SPATA16: variants seen among roughly 807,000 people sequenced by gnomAD.
SPATA16 encodes the protein spermatogenesis-associated protein 16.
Under a neutral mutation model 63.3 loss-of-function variants are expected in SPATA16, and 36 were observed. That is an observed-to-expected ratio of 0.57 (90% CI 0.44 to 0.75). The LOEUF (loss-of-function observed/expected upper bound fraction) is 0.75. Among genes scored for constraint, SPATA16 ranks in the 30% least tolerant of loss-of-function variants. The pLI, the probability that SPATA16 is intolerant of heterozygous loss-of-function variation, is 0.00. For missense variants in SPATA16, 646 were observed against 679.3 expected (o/e 0.95, Z 0.54); for synonymous variants, 203 against 216.7 (o/e 0.94, Z 0.56).
chr3:173,119,903 C>T (rs1738012020), intron 1 of SPATA16, among the ~76,000 whole-genome samples: 1 of 152,260 alleles, frequency 6.6e-6, no homozygotes, highest in East Asian at 1.9e-4. Flanking sequence ...GCCTGACCAA[C>T]ATGGTGCAAC....
At chr3:173,118,642 A>G (rs1436962431) in intron 1 of SPATA16, among the ~76,000 whole-genome samples, 1 of 152,208 alleles carries the variant, frequency 6.6e-6, no homozygotes, top group Non-Finnish European at 1.5e-5. Flanking sequence ...TTGTGGAGTA[A>G]ATAGGAACAG....
chr3:173,023,874 T>G (rs1313492213), intron 3 of SPATA16, among the ~76,000 whole-genome samples: 1 of 151,264 alleles, frequency 6.6e-6, no homozygotes, highest in Non-Finnish European at 1.5e-5. Context: ...TTTGCATATA[T>G]ATTCTCATGT....
chr3:172,985,322 AGTTTT>A (rs1211201551), intron 4 of SPATA16, among the ~76,000 whole-genome samples: 9 of 152,212 alleles, frequency 5.9e-5, no homozygotes, highest in Admixed American at 3.9e-4. Context: ...ATTTTTATGA[AGTTTT>A]GTTTTATTTT....
chr3:173,032,003 C>G (rs1273557610), intron 3 of SPATA16, among the ~76,000 whole-genome samples: 2 of 151,966 alleles, frequency 1.3e-5, no homozygotes, highest in East Asian at 3.9e-4. Context: ...ATAGCTCTGC[C>G]AAAACACTAG....
Position 172,889,480 on chromosome 3 carries a change from T to C in SPATA16, c.*90A>G. 6.3e-7 allele frequency: 1 copy of C among 1,584,878 alleles called. No homozygotes were observed. The highest frequency in any genetic ancestry group is 8.6e-7 in the Non-Finnish European group (1 of 1,158,898). ...TTCTTTTGGTGACAAGCTTTTGTTA[T>C]CCAGCTTCACAGTACTAGGTGGGCA... On this transcript the variant is annotated 3_prime_UTR_variant, in exon 11 of 11. Coordinates refer to ENST00000351008, the MANE Select transcript of SPATA16 (RefSeq NM_031955.6).
intron 5 of SPATA16, among the ~76,000 whole-genome samples, chr3:172,958,910 G>A (rs1441364007): frequency 1.3e-5 from 2 of 152,080 alleles, no homozygotes; most frequent in Admixed American, 6.5e-5. Context: ...CTCCAACTGT[G>A]GCTGAGTGTG....
At chr3:172,907,370 C>T (rs1398564767) in intron 10 of SPATA16, among the ~76,000 whole-genome samples, 1 of 152,234 alleles carries the variant, frequency 6.6e-6, no homozygotes, top group Non-Finnish European at 1.5e-5. Flanking sequence ...ATTGCTCTCA[C>T]TGCAATAACC....
At chr3:173,006,439 T>C (rs531425658) in intron 4 of SPATA16, among the ~76,000 whole-genome samples, 1 of 152,308 alleles carries the variant, frequency 6.6e-6, no homozygotes, top group South Asian at 2.1e-4. Flanking sequence ...TGAGAACTTA[T>C]TTTAACCAAA....
intron 4 of SPATA16, among the ~76,000 whole-genome samples, chr3:173,015,064 CTTT>C (rs34843727): frequency 1.8e-4 from 24 of 136,480 alleles, no homozygotes; most frequent in Middle Eastern, 3.8e-3. Flanking sequence ...TCTTTTTTCT[CTTT>C]TTTTTTTTTT....
Position 173,131,934 on chromosome 3 carries a change from A to C in SPATA16, c.-19+9169T>G, listed in dbSNP as rs189316593. 2.1e-4 allele frequency among the ~76,000 whole-genome samples: 32 copies of C among 152,328 alleles called. No homozygotes were observed. In the East Asian group the frequency reaches 6.0e-3, roughly 28 times the overall value. ...AGCACTTAAGGGAAAATCATTAAGT[A>C]TGCAAAAATAAAACATCTCAAGATA... On this transcript the variant is annotated intron_variant, in intron 1 of 10. Transcript: ENST00000351008.
chr3:172,960,566 C>G (rs1288708929), intron 5 of SPATA16, among the ~76,000 whole-genome samples: 3 of 152,116 alleles, frequency 2.0e-5, no homozygotes, highest in African/African-American at 7.2e-5. Flanking sequence ...TCTCCTTGTA[C>G]TGTAGCTAAG....
chr3:173,131,446 C>T (rs762039836), intron 1 of SPATA16, among the ~76,000 whole-genome samples: 3 of 152,088 alleles, frequency 2.0e-5, no homozygotes, highest in Non-Finnish European at 2.9e-5. Flanking sequence ...ATTTGCTAAT[C>T]GTAGGCATGG....
At chr3:173,048,866 T>C (rs1258414936) in intron 3 of SPATA16, 83 bp downstream of exon 3, 4 of 1,514,552 alleles carry the variant, frequency 2.6e-6, no homozygotes, top group Admixed American at 1.7e-5. Flanking sequence ...TGAAATAAGA[T>C]GGAAGGTGAT....
At chr3:173,118,714 T>C (rs1331169878) in intron 1 of SPATA16, among the ~76,000 whole-genome samples, 1 of 152,190 alleles carries the variant, frequency 6.6e-6, no homozygotes, top group African/African-American at 2.4e-5. Flanking sequence ...CAAGGTCACA[T>C]TGGTTGGTCA....
intron 5 of SPATA16, among the ~76,000 whole-genome samples, chr3:172,974,473 C>G (rs924131538): frequency 6.6e-6 from 1 of 151,856 alleles, no homozygotes; most frequent in Admixed American, 6.6e-5. Flanking sequence ...ATGGCATAGA[C>G]TTGGCACTCT....
chr3:173,077,558 C>A (rs1207932719), intron 2 of SPATA16, among the ~76,000 whole-genome samples: 1 of 152,228 alleles, frequency 6.6e-6, no homozygotes, highest in East Asian at 1.9e-4. Context: ...TTCCCAGAGC[C>A]GGTGGTGAGA....
chr3:173,022,561 A>G (rs1577136092), intron 3 of SPATA16, among the ~76,000 whole-genome samples: 1 of 152,138 alleles, frequency 6.6e-6, no homozygotes, highest in East Asian at 1.9e-4. Context: ...ACTTTTATTA[A>G]TTTATCGATG....
intron 10 of SPATA16, among the ~76,000 whole-genome samples, chr3:172,913,395 GA>G (rs1732412762): frequency 6.6e-6 from 1 of 152,060 alleles, no homozygotes; most frequent in African/African-American, 2.4e-5. Flanking sequence ...CGCAGATAAT[GA>G]AAATAGAATA....
At chr3:173,033,897 G>A (rs1482605833) in intron 3 of SPATA16, among the ~76,000 whole-genome samples, 1 of 151,964 alleles carries the variant, frequency 6.6e-6, no homozygotes, top group Admixed American at 6.6e-5. Flanking sequence ...TACAGACGGG[G>A]TTTCACTATG....
Sources: gnomAD v4.1 joint callset for allele counts (sites outside exome capture counted in the v4.1 genomes callset) on GRCh38, gnomAD v4.1.1 for gene constraint, MANE v1.5 for transcripts, NCBI Gene and HGNC (gene_info 2026-07-23, HGNC 2026-07-21) for gene names.